The following ANAPC16 variants were observed in gnomAD, a reference collection of about 807,000 sequenced individuals.
ANAPC16 encodes the protein anaphase promoting complex subunit 16, also known as anaphase-promoting complex subunit 16.
ANAPC16 carries 6 observed loss-of-function variants against 13.1 expected under a neutral mutation model. The observed-to-expected ratio is 0.46, with a 90% CI of 0.25 to 0.90. The LOEUF (loss-of-function observed/expected upper bound fraction) is 0.90, where lower values mean the gene tolerates loss of function less well. Among genes scored for constraint, ANAPC16 ranks in the 40% least tolerant of loss-of-function variants. The probability of loss-of-function intolerance (pLI) is 0.18; values close to 1 mark genes in which losing one functional copy is unlikely to be tolerated. For missense variants in ANAPC16, 113 were observed against 131.1 expected (o/e 0.86, Z 0.67); for synonymous variants, 55 against 51.3 (o/e 1.07, Z -0.31).
Position 72,233,375 on chromosome 10 carries a change from G to T in ANAPC16, c.*259G>T. On this transcript the variant is annotated 3_prime_UTR_variant, in exon 4 of 4. Transcript: ENST00000299381. ...CAGTTTCAGAGAACCAGGAGGTTTG[G>T]GGTTAAGAGATACTCAAAAATTTTC... 2 of 356,878 alleles carry T rather than the reference G, an allele frequency of 5.6e-6. No homozygotes were observed. Among genetic ancestry groups the T allele is most frequent in the Non-Finnish European group, 5.2e-6 (1 of 192,066 alleles). The allele number at this position is 356,878 out of a possible 1,614,324, so 22.1% of individuals were successfully genotyped here.
chr10:72,225,796 G>A (rs1483794610), intron 2 of ANAPC16, among the ~76,000 whole-genome samples: 1 of 151,524 alleles, frequency 6.6e-6, no homozygotes, highest in Non-Finnish European at 1.5e-5. Context: ...AGCTACTCAG[G>A]AGGCTGAGGC....
chr10:72,222,773 G>T (rs1313031603), intron 1 of ANAPC16, among the ~76,000 whole-genome samples: 1 of 152,152 alleles, frequency 6.6e-6, no homozygotes, highest in Non-Finnish European at 1.5e-5. Context: ...GCGAGACTCC[G>T]TCTCAAAAAA....
chr10:72,218,163 AAAATATATATATATATATATATAT>A (rs1240210594), intron 1 of ANAPC16, among the ~76,000 whole-genome samples: 697 of 34,220 alleles, frequency 0.02, 42 homozygotes, highest in Middle Eastern at 0.042. Context: ...AAAAAAAAAA[AAAATATATATATATATATATATAT>A]ATATATATAT....
At chr10:72,216,265 A>G (rs1859289334) in intron 1 of ANAPC16, 127 bp downstream of exon 1, 1 of 159,064 alleles carries the variant, frequency 6.3e-6, no homozygotes, top group Non-Finnish European at 1.4e-5. Context: ...GCTGCAGCAG[A>G]CGTGCGATAG....
intron 3 of ANAPC16, among the ~76,000 whole-genome samples, chr10:72,231,909 G>A (rs567043338): frequency 4.6e-5 from 7 of 152,000 alleles, no homozygotes; most frequent in Admixed American, 2.0e-4. Flanking sequence ...AAAATAGGCC[G>A]GGCACGGTGG....
intron 3 of ANAPC16, 150 bp from the exon 4 acceptor site, chr10:72,232,851 G>T (rs572414399): frequency 3.6e-5 from 22 of 610,608 alleles, no homozygotes; most frequent in Non-Finnish European, 6.1e-5. Flanking sequence ...TGATCCGCCC[G>T]CCTCGGCCTC....
intron 1 of ANAPC16, among the ~76,000 whole-genome samples, chr10:72,222,534 T>G (rs1212706296): frequency 6.9e-6 from 1 of 144,566 alleles, no homozygotes; most frequent in East Asian, 2.1e-4. Context: ...CCCAGCACTT[T>G]GGGAGGCCAA....
At chr10:72,225,893 C>CTT (rs1860106252) in intron 2 of ANAPC16, among the ~76,000 whole-genome samples, 1 of 145,690 alleles carries the variant, frequency 6.9e-6, no homozygotes. Context: ...GAGCAAGACT[C>CTT]TGTCTCAAAA....
chr10:72,225,835 A>G (rs914966296), intron 2 of ANAPC16, among the ~76,000 whole-genome samples: 1 of 150,248 alleles, frequency 6.7e-6, no homozygotes, highest in Non-Finnish European at 1.5e-5. Flanking sequence ...TGGGAGGCAG[A>G]GGTTGCGGTG....
chr10:72,217,098 T>C (rs1414899142), intron 1 of ANAPC16: 1 of 453,820 alleles, frequency 2.2e-6, no homozygotes, highest in East Asian at 6.9e-5. Context: ...GTGGAAACAC[T>C]GCCCCAGGTT....
At chr10:72,230,216 G>C in intron 2 of ANAPC16, 150 bp from the exon 3 acceptor site, 1 of 577,562 alleles carries the variant, frequency 1.7e-6, no homozygotes, top group Admixed American at 3.0e-5. Flanking sequence ...AACAGTCTTA[G>C]TTCTAAATGA....
intron 1 of ANAPC16, chr10:72,216,346 G>C (rs918094331): frequency 5.8e-6 from 1 of 172,206 alleles, no homozygotes; most frequent in African/African-American, 2.4e-5. Flanking sequence ...CAGTGGGACA[G>C]CGCCGATGGC....
At chr10:72,224,193 A>G in intron 2 of ANAPC16, 137 bp downstream of exon 2, 1 of 1,055,110 alleles carries the variant, frequency 9.5e-7, no homozygotes, top group Non-Finnish European at 1.3e-6. Context: ...CCATCTCAAA[A>G]TAGTATCTTT....
At chr10:72,231,079 A>AG (rs1165412903) in intron 3 of ANAPC16, among the ~76,000 whole-genome samples, 1 of 152,156 alleles carries the variant, frequency 6.6e-6, no homozygotes, top group African/African-American at 2.4e-5. Flanking sequence ...CTGTTACATT[A>AG]GGCCTCACCA....
intron 2 of ANAPC16, 44 bp downstream of exon 2, chr10:72,224,100 A>G (rs1391695616): frequency 1.4e-6 from 2 of 1,479,298 alleles, no homozygotes; most frequent in Non-Finnish European, 9.1e-7. Context: ...CAGATCTGCA[A>G]TGCATATTAA....
At chr10:72,223,145 C>T (rs968618782) in intron 1 of ANAPC16, 2 of 142,892 alleles carry the variant, frequency 1.4e-5, no homozygotes, top group South Asian at 2.2e-4. Context: ...TCACTGCAAC[C>T]TCCGCCTCCC....
chr10:72,232,923 A>G, intron 3 of ANAPC16, 78 bp from the exon 4 acceptor site: 1 of 1,146,690 alleles, frequency 8.7e-7, no homozygotes, highest in African/African-American at 1.5e-5. Flanking sequence ...TTTTTATACC[A>G]GTCATCATCT....
At chr10:72,217,392 G>A (rs915053837) in intron 1 of ANAPC16, among the ~76,000 whole-genome samples, 3 of 151,206 alleles carry the variant, frequency 2.0e-5, no homozygotes, top group African/African-American at 4.9e-5. Context: ...GGAGAATGGC[G>A]TGAACCCAGG....
At chr10:72,217,603 G>T (rs1037782957) in intron 1 of ANAPC16, among the ~76,000 whole-genome samples, 2 of 152,036 alleles carry the variant, frequency 1.3e-5, no homozygotes, top group Non-Finnish European at 2.9e-5. Flanking sequence ...TTCCCATGAG[G>T]TTTTTTCATA....
Sources: gnomAD v4.1 joint callset for allele counts (sites outside exome capture counted in the v4.1 genomes callset) on GRCh38, gnomAD v4.1.1 for gene constraint, MANE v1.5 for transcripts, NCBI Gene and HGNC (gene_info 2026-07-23, HGNC 2026-07-21) for gene names.